The following FBLN2 variants were observed in gnomAD, a reference collection of about 807,000 sequenced individuals.
The protein encoded by FBLN2 is fibulin 2, also known as fibulin-2.
FBLN2 carries 81 observed loss-of-function variants against 123.7 expected under a neutral mutation model. That is an observed-to-expected ratio of 0.65 (90% CI 0.55 to 0.79). The LOEUF is 0.79. Ranked by LOEUF, FBLN2 falls within the 30% of genes least tolerant of loss-of-function variation. FBLN2 has a pLI of 0.00. For synonymous variants in FBLN2, 699 were observed against 701.4 expected, an observed-to-expected ratio of 1.00 and a Z score of 0.05; for missense variants, 1,603 against 1,681.3, an observed-to-expected ratio of 0.95 and a Z score of 0.81.
chr3:13,609,688 G>GGGGGGGGGGGCC, intron 4 of FBLN2, 46 bp downstream of exon 4: 9 of 512,578 alleles, frequency 1.8e-5, no homozygotes, highest in East Asian at 1.3e-4. Context: ...GTGGGGCGGG[G>GGGGGGGGGGGCC]CGGGAGGCTG....
intron 16 of FBLN2, among the ~76,000 whole-genome samples, chr3:13,633,903 T>A (rs1559429539): frequency 6.7e-6 from 1 of 148,174 alleles, no homozygotes; most frequent in Non-Finnish European, 1.5e-5. Context: ...CTGCTCATGT[T>A]TGCATGCATT....
chr3:13,629,053 G>A lies in FBLN2; in HGVS notation c.2713+5G>A, dbSNP rs756864274. 6.2e-6 allele frequency: 10 copies of A among 1,612,946 alleles called. No individual in the cohort carries two copies. The highest frequency in any genetic ancestry group is 6.8e-6 in the Non-Finnish European group (8 of 1,179,668). Reference sequence around the variant, plus strand: ...ATGATGGGACCAAGTGTGTGGGTAAGGCCAGCCGCCTCCGCCCTGCCAGCC... The same window carrying A: ...ATGATGGGACCAAGTGTGTGGGTAAAGCCAGCCGCCTCCGCCCTGCCAGCC... On this transcript the variant is annotated splice_donor_5th_base_variant and intron_variant, in intron 12 of 17. Transcript: ENST00000404922.
chr3:13,580,628 C>T (rs1704294489), intron 2 of FBLN2, among the ~76,000 whole-genome samples: 1 of 152,184 alleles, frequency 6.6e-6, no homozygotes, highest in East Asian at 1.9e-4. Flanking sequence ...GTGCGTAGCT[C>T]TCCACCCACC....
In FBLN2 at chr3:13,633,954, AACAC is replaced by A. The variant is rs56947028; in HGVS notation, c.3215-2453_3215-2450del. On this transcript the variant is annotated intron_variant, in intron 16 of 17. Transcript: ENST00000404922. ...CCTTAGCAGATATAAACACACTGCAAACACACACACACACACACACACACACACA... is the reference window on the plus strand; with the variant it reads ...CCTTAGCAGATATAAACACACTGCAAACACACACACACACACACACACACA... 4.8e-3 allele frequency among the ~76,000 whole-genome samples: 538 copies of A among 112,836 alleles called. 10 individuals are homozygous for A. The Middle Eastern group carries it at 0.053, about 11-fold the overall frequency. The allele number at this position is 112,836 out of a possible 152,430, so 74.0% of individuals were successfully genotyped here.
intron 1 of FBLN2, among the ~76,000 whole-genome samples, chr3:13,569,958 G>A (rs1360392473): frequency 6.6e-6 from 1 of 152,070 alleles, no homozygotes; most frequent in East Asian, 1.9e-4. Flanking sequence ...GAGTGTGACC[G>A]AGTGGGTGTG....
At chr3:13,631,307 G>A in intron 15 of FBLN2, 22 bp from the exon 16 acceptor site, 1 of 1,597,070 alleles carries the variant, frequency 6.3e-7, no homozygotes, top group African/African-American at 1.3e-5. Flanking sequence ...GGTTCACCAG[G>A]GGCTGAACCT....
At chr3:13,608,662 C>T (rs1705287688) in intron 3 of FBLN2, among the ~76,000 whole-genome samples, 1 of 152,286 alleles carries the variant, frequency 6.6e-6, no homozygotes, top group African/African-American at 2.4e-5. Context: ...CAAAGCAATC[C>T]TTTATCCCCA....
chr3:13,633,504 G>A (rs1036895720), intron 16 of FBLN2, among the ~76,000 whole-genome samples: 1 of 152,242 alleles, frequency 6.6e-6, no homozygotes, highest in Non-Finnish European at 1.5e-5. Flanking sequence ...GGGGGCTGCC[G>A]GCTCCCCGGC....
At position 13,628,014 on chromosome 3, in the gene FBLN2, A is replaced by G. The variant is rs377577548; in HGVS notation, c.2569+45A>G. On this transcript the variant is annotated intron_variant, in intron 11 of 17. Coordinates refer to ENST00000404922, the MANE Select transcript of FBLN2 (RefSeq NM_001004019.2). Reference sequence around the variant, plus strand: ...CTGGGGATCATCAGCCTAGGGCTCTACTGGAGGCATTGTGGGGGCTTTTAG... The same window carrying G: ...CTGGGGATCATCAGCCTAGGGCTCTGCTGGAGGCATTGTGGGGGCTTTTAG... 4.3e-5 allele frequency: 68 copies of G among 1,581,874 alleles called. 2 individuals carry two copies. The South Asian group carries it at 6.5e-4, about 15-fold the overall frequency.
chr3:13,565,408 C>T (rs765469177), intron 1 of FBLN2, among the ~76,000 whole-genome samples: 5 of 152,232 alleles, frequency 3.3e-5, no homozygotes, highest in African/African-American at 4.8e-5. Context: ...TTGACGTCCT[C>T]ATTGTCACCT....
At position 13,614,050 on chromosome 3, in the gene FBLN2, C is replaced by G. The variant is rs750588383; in HGVS notation, c.1615C>G (p.Pro539Ala). 3.1e-6 allele frequency: 5 copies of G among 1,613,566 alleles called. No homozygotes were observed. Among genetic ancestry groups the G allele is most frequent in the Admixed American group, 1.7e-5 (1 of 60,004 alleles). ...CGAGGGCCAGTCGTGTGAGTCCAAT[C>G]CTAACCTGGGCTATCCCTGCAATCA... ...RAEGQSCESNPNLGYPCNHVM... is the reference protein window; with the variant it reads ...RAEGQSCESNANLGYPCNHVM... The change falls in exon 5 of 18, where the codon CCT (proline) becomes GCT (alanine). Residue 539 changes from proline to alanine, a missense_variant. By Grantham distance (27) the Pro-to-Ala change is conservative (BLOSUM62 -1). Coordinates refer to ENST00000404922, the MANE Select transcript of FBLN2 (RefSeq NM_001004019.2).
At chr3:13,576,722 C>CCA (rs1022831284) in intron 2 of FBLN2, among the ~76,000 whole-genome samples, 1 of 91,204 alleles carries the variant, frequency 1.1e-5, no homozygotes, top group African/African-American at 3.7e-5. Flanking sequence ...CAGGGGGATC[C>CCA]CCCCCCCCCG....
chr3:13,572,315 G>A (rs1703989471), intron 2 of FBLN2, among the ~76,000 whole-genome samples: 1 of 152,230 alleles, frequency 6.6e-6, no homozygotes, highest in Non-Finnish European at 1.5e-5. Context: ...CTCCATGGAG[G>A]CCCCTCTCCG....
intron 4 of FBLN2, among the ~76,000 whole-genome samples, chr3:13,610,934 C>T (rs1705371392): frequency 7.4e-6 from 1 of 135,160 alleles, no homozygotes. Flanking sequence ...TATTTTGAGA[C>T]AGAGTCTCTG....
At chr3:13,553,258 C>A (rs768937174) in intron 1 of FBLN2, among the ~76,000 whole-genome samples, 1 of 152,172 alleles carries the variant, frequency 6.6e-6, no homozygotes, top group South Asian at 2.1e-4. Context: ...GCAGAGGAGG[C>A]GCGGCCAGAC....
At chr3:13,583,122 C>T (rs1704389464) in intron 2 of FBLN2, among the ~76,000 whole-genome samples, 1 of 152,270 alleles carries the variant, frequency 6.6e-6, no homozygotes, top group African/African-American at 2.4e-5. Flanking sequence ...GCCATACTGC[C>T]TGGCTGCAAG....
chr3:13,629,605 T>A (rs1301572521), intron 13 of FBLN2, among the ~76,000 whole-genome samples: 1 of 152,180 alleles, frequency 6.6e-6, no homozygotes, highest in African/African-American at 2.4e-5. Context: ...TGTCTGTCCC[T>A]CTGGCCTCTT....
intron 2 of FBLN2, among the ~76,000 whole-genome samples, chr3:13,596,498 C>T (rs1559412612): frequency 6.6e-6 from 1 of 152,200 alleles, no homozygotes; most frequent in Non-Finnish European, 1.5e-5. Flanking sequence ...CAGATTAGAT[C>T]CCTACAAGGA....
intron 2 of FBLN2, among the ~76,000 whole-genome samples, chr3:13,578,452 C>T (rs1215284003): frequency 6.6e-6 from 1 of 152,178 alleles, no homozygotes; most frequent in Non-Finnish European, 1.5e-5. Flanking sequence ...GAATCATGCA[C>T]TATGTGGTTT....
Sources: gnomAD v4.1 joint callset for allele counts (sites outside exome capture counted in the v4.1 genomes callset) on GRCh38, gnomAD v4.1.1 for gene constraint, MANE v1.5 for transcripts, NCBI Gene and HGNC (gene_info 2026-07-23, HGNC 2026-07-21) for gene names.